The following LUZP2 variants were observed in gnomAD, a reference collection of about 807,000 sequenced individuals.
LUZP2 encodes the protein leucine zipper protein 2.
In LUZP2, 52 loss-of-function variants were observed where a neutral mutation model predicts 51.6. That is an observed-to-expected ratio of 1.01 (90% confidence interval 0.81 to 1.27). The LOEUF is 1.27. LUZP2 is among the 50% of genes most tolerant of loss of function. The probability of loss-of-function intolerance (pLI) is 0.00; values close to 1 mark genes in which losing one functional copy is unlikely to be tolerated. For missense variants in LUZP2, 436 were observed against 395.4 expected, an observed-to-expected ratio of 1.10 and a Z score of -0.87; for synonymous variants, 154 against 137.3, an observed-to-expected ratio of 1.12 and a Z score of -0.85.
chr11:24,664,178 G>C (rs1344737433), intron 1 of LUZP2, among the ~76,000 whole-genome samples: 1 of 152,138 alleles, frequency 6.6e-6, no homozygotes, highest in East Asian at 1.9e-4. Context: ...GACTTGGAGG[G>C]CTCAGAAGAC....
At chr11:24,959,808 G>A (rs1288054966) in intron 7 of LUZP2, among the ~76,000 whole-genome samples, 2 of 152,136 alleles carry the variant, frequency 1.3e-5, no homozygotes, top group Non-Finnish European at 2.9e-5. Context: ...AGTGGTGAGA[G>A]AGGGCATCCC....
intron 5 of LUZP2, among the ~76,000 whole-genome samples, chr11:24,838,611 T>C (rs922401850): frequency 3.3e-5 from 5 of 151,758 alleles, no homozygotes; most frequent in African/African-American, 1.2e-4. Context: ...AGTTCACTTT[T>C]GTGTCTAATA....
intron 7 of LUZP2, among the ~76,000 whole-genome samples, chr11:24,919,872 A>G (rs1853975276): frequency 6.6e-6 from 1 of 151,500 alleles, no homozygotes; most frequent in Non-Finnish European, 1.5e-5. Flanking sequence ...ATAACAAGAG[A>G]AATGTTGAAT....
chr11:24,867,724 T>A (rs577076149), intron 5 of LUZP2, among the ~76,000 whole-genome samples: 1 of 152,306 alleles, frequency 6.6e-6, no homozygotes, highest in Middle Eastern at 3.4e-3. Context: ...TTTGATGTTT[T>A]CATACTCAGA....
intron 10 of LUZP2, among the ~76,000 whole-genome samples, chr11:25,075,274 C>T (rs1859267222): frequency 6.6e-6 from 1 of 152,040 alleles, no homozygotes; most frequent in South Asian, 2.1e-4. Flanking sequence ...GTTAAGAATT[C>T]AGCTATTGAT....
At chr11:24,862,175 G>A (rs907146742) in intron 5 of LUZP2, among the ~76,000 whole-genome samples, 1 of 152,146 alleles carries the variant, frequency 6.6e-6, no homozygotes, top group African/African-American at 2.4e-5. Context: ...ATAAAGGGAA[G>A]CCCATCAGAC....
rs1204425366 is a variant in LUZP2 at position 24,815,996 on chromosome 11, C to CA, written c.396+52688_396+52689insA. ...GTGCATCTCTTTCATCTCTTATCTT[C>CA]TTTTTTTTTTAAAAAAAAAAAAAAA... On this transcript the variant is annotated intron_variant, in intron 5 of 11. Transcript: ENST00000336930. 1.6e-3 allele frequency among the ~76,000 whole-genome samples: 14 copies of CA among 8,730 alleles called. No individual in the cohort carries two copies. The East Asian group carries it at 0.049, about 31-fold the overall frequency. The allele number at this position is 8,730 out of a possible 152,430, so 5.7% of individuals were successfully genotyped here.
chr11:24,789,438 C>A (rs943445373), intron 5 of LUZP2, among the ~76,000 whole-genome samples: 2 of 152,146 alleles, frequency 1.3e-5, no homozygotes, highest in South Asian at 2.1e-4. Flanking sequence ...TTACTCCCTA[C>A]ATGTTAGCAA....
intron 1 of LUZP2, among the ~76,000 whole-genome samples, chr11:24,621,321 G>C (rs10742046): frequency 0.53 from 80,362 of 152,116 alleles, 22,381 homozygotes; most frequent in African/African-American, 0.72. Flanking sequence ...CCAATACTGC[G>C]TGTAGTTGAA....
intron 1 of LUZP2, among the ~76,000 whole-genome samples, chr11:24,698,393 A>G (rs1857314873): frequency 6.6e-6 from 1 of 152,190 alleles, no homozygotes; most frequent in African/African-American, 2.4e-5. Context: ...TTTTGCTTTG[A>G]CTTGAACACT....
intron 5 of LUZP2, among the ~76,000 whole-genome samples, chr11:24,823,392 A>G (rs76366124): frequency 2.6e-5 from 3 of 114,452 alleles, no homozygotes. Context: ...GAATTCAGAA[A>G]AAAAAAAAAA....
At chr11:24,643,254 CAAAAAA>C (rs570616833) in intron 1 of LUZP2, among the ~76,000 whole-genome samples, 16,340 of 75,756 alleles carry the variant, frequency 0.22, 818 homozygotes, top group East Asian at 0.4. Flanking sequence ...ACTAAAAGTA[CAAAAAA>C]AAAAAAAAAA....
chr11:24,580,602 C>CA (rs980236649), intron 1 of LUZP2, among the ~76,000 whole-genome samples: 32 of 147,996 alleles, frequency 2.2e-4, no homozygotes, highest in African/African-American at 4.2e-4. Flanking sequence ...TTTCACAAAA[C>CA]AAAAAAAAAA....
At chr11:24,521,371 T>G (rs916350891) in intron 1 of LUZP2, among the ~76,000 whole-genome samples, 7,166 of 60,678 alleles carry the variant, frequency 0.12, no homozygotes, top group African/African-American at 0.15. Flanking sequence ...AAAAAAAAGG[T>G]GGGGGTGGGG....
At chr11:24,773,051 G>A (rs1179406030) in intron 5 of LUZP2, among the ~76,000 whole-genome samples, 2 of 149,098 alleles carry the variant, frequency 1.3e-5, no homozygotes, top group Non-Finnish European at 3.0e-5. Flanking sequence ...ACCATCTGTG[G>A]CATTTTGTAT....
intron 7 of LUZP2, among the ~76,000 whole-genome samples, chr11:24,926,553 A>G (rs1020412130): frequency 1.1e-4 from 16 of 146,920 alleles, no homozygotes; most frequent in Non-Finnish European, 2.4e-4. Flanking sequence ...ACGTGTATAT[A>G]TATGTGTGTG....
chr11:24,786,096 CTG>C, intron 5 of LUZP2: 1 of 985,224 alleles, frequency 1.0e-6, no homozygotes, highest in Non-Finnish European at 1.2e-6. Context: ...TGGTATATGA[CTG>C]TATTTTTAAT....
chr11:24,699,190 A>C (rs1227382593), intron 1 of LUZP2, among the ~76,000 whole-genome samples: 1 of 151,648 alleles, frequency 6.6e-6, no homozygotes, highest in African/African-American at 2.4e-5. Flanking sequence ...TTGTCCCCGT[A>C]AGATTTCTAT....
At chr11:24,992,383 A>G (rs1250295017) in intron 9 of LUZP2, among the ~76,000 whole-genome samples, 2 of 152,074 alleles carry the variant, frequency 1.3e-5, no homozygotes, top group African/African-American at 4.8e-5. Flanking sequence ...GGATGGGTGA[A>G]CCATTTTACC....
Sources: allele counts gnomAD v4.1 joint callset (sites outside exome capture counted in the v4.1 genomes callset), GRCh38; gene constraint gnomAD v4.1.1; transcripts MANE v1.5; gene names NCBI Gene and HGNC (gene_info 2026-07-23, HGNC 2026-07-21).